Variants in MYOM2 observed in about 807,000 individuals in gnomAD.
MYOM2 encodes the protein myomesin 2.
A neutral mutation model predicts 187.6 loss-of-function variants in MYOM2; 254 were observed. The ratio of observed to expected loss-of-function variants is 1.35; its 90% CI spans 1.22 to 1.50. MYOM2 has a LOEUF of 1.50. Among genes scored for constraint, MYOM2 ranks in the 40% most tolerant of loss-of-function variants. MYOM2 has a pLI of 0.00. For missense variants in MYOM2, 2,796 were observed against 1,924.0 expected, an observed-to-expected ratio of 1.45 and a Z score of -8.48; for synonymous variants, 981 against 753.8, an observed-to-expected ratio of 1.30 and a Z score of -4.94.
intron 18 of MYOM2, 130 bp from the exon 19 acceptor site, chr8:2,098,727 G>C: frequency 9.9e-7 from 1 of 1,005,500 alleles, no homozygotes; most frequent in Admixed American, 2.9e-5. Context: ...TGAAATATTT[G>C]GTCCAATTTC....
intron 6 of MYOM2, among the ~76,000 whole-genome samples, chr8:2,063,563 A>G (rs1184249384): frequency 6.6e-6 from 1 of 152,252 alleles, no homozygotes; most frequent in African/African-American, 2.4e-5. Flanking sequence ...TTCTATCAGT[A>G]ACGTGCTCAC....
At chr8:2,071,953 A>G (rs1819237858) in intron 8 of MYOM2, among the ~76,000 whole-genome samples, 1 of 152,036 alleles carries the variant, frequency 6.6e-6, no homozygotes, top group Admixed American at 6.5e-5. Context: ...ATCACCTCCC[A>G]AAGGCCCCAC....
At chr8:2,079,357 A>G (rs943226329) in intron 12 of MYOM2, among the ~76,000 whole-genome samples, 6 of 152,132 alleles carry the variant, frequency 3.9e-5, no homozygotes, top group East Asian at 1.9e-4. Flanking sequence ...CCTTACGCAC[A>G]TGGTCCTTTG....
rs1482893449 is a variant in MYOM2, at chr8:2,052,261, T to C, written c.211T>C (p.Cys71Arg). Residue 71 changes from cysteine (C) to arginine (R), a missense_variant, in exon 3 of 37, where the codon TGT becomes CGT. Transcript: ENST00000262113. The part of the protein sequence containing the change: ...TSLGGTICRV[C>R]AKRVSTQEDE... Reference sequence around the variant, plus strand: ...CCTGGGAGGAACCATCTGCAGGGTCTGTGCGAAGCGAGTGAGCACGCAGGA... The same window carrying C: ...CCTGGGAGGAACCATCTGCAGGGTCCGTGCGAAGCGAGTGAGCACGCAGGA... The C allele has an allele frequency of 6.2e-7, 1 of 1,612,318 alleles. No individual in the cohort carries two copies. Among genetic ancestry groups the C allele is most frequent in the East Asian group, 2.2e-5 (1 of 44,822 alleles).
At chr8:2,124,325 T>A (rs930008673) in intron 31 of MYOM2, 108 bp downstream of exon 31, 5 of 1,144,012 alleles carry the variant, frequency 4.4e-6, no homozygotes, top group Middle Eastern at 1.9e-4. Flanking sequence ...CTGTGGTGCG[T>A]GTTCTGTGGG....
intron 28 of MYOM2, among the ~76,000 whole-genome samples, chr8:2,122,036 G>A (rs1480039153): frequency 6.6e-6 from 1 of 152,176 alleles, no homozygotes; most frequent in East Asian, 1.9e-4. Flanking sequence ...TCAGAAAACA[G>A]TAATTGAAGG....
At chr8:2,137,355 C>T (rs1798116001) in intron 32 of MYOM2, among the ~76,000 whole-genome samples, 1 of 151,848 alleles carries the variant, frequency 6.6e-6, no homozygotes, top group African/African-American at 2.4e-5. Context: ...ATGCAAGACA[C>T]CAGGCATGAC....
rs749395536 is a variant in MYOM2 at position 2,098,966 on chromosome 8, G to C, written c.2423G>C (p.Trp808Ser). ...DPSEHFKCEA[W>S]TMPEPGPAYD... Reference sequence around the variant, plus strand: ...AGTGAGCACTTCAAGTGTGAGGCCTGGACCATGCCGGAGCCCGGTGAGTCG... The same window carrying C: ...AGTGAGCACTTCAAGTGTGAGGCCTCGACCATGCCGGAGCCCGGTGAGTCG... Residue 808 changes from tryptophan (W) to serine (S), a missense_variant, in exon 19 of 37, where the codon TGG (tryptophan) becomes TCG (serine). Coordinates refer to ENST00000262113, the MANE Select transcript of MYOM2 (RefSeq NM_003970.4). 1 of 1,609,890 alleles carries C rather than the reference G, an allele frequency of 6.2e-7. No individual in the cohort carries two copies. Among genetic ancestry groups the C allele is most frequent in the African/African-American group, 1.3e-5 (1 of 74,998 alleles).
chr8:2,103,300 TAAATG>T (rs1796777074), intron 21 of MYOM2, among the ~76,000 whole-genome samples: 2 of 151,682 alleles, frequency 1.3e-5, no homozygotes, highest in African/African-American at 4.9e-5. Flanking sequence ...TATGTATGGG[TAAATG>T]GATAAATGAG....
intron 6 of MYOM2, among the ~76,000 whole-genome samples, chr8:2,060,308 T>G (rs1172095571): frequency 2.6e-5 from 4 of 152,246 alleles, no homozygotes; most frequent in South Asian, 2.1e-4. Flanking sequence ...CATTAACGCC[T>G]CCTGAAAACA....
rs749099421 is a variant in MYOM2, at chr8:2,073,507, G to A, written c.1120+7G>A. ...GCCTTCCTGTTTGTCAGAGGTGCGG[G>A]CAGCAGGGTTCTCAGGGTGCAGACC... On this transcript the variant is annotated splice_region_variant and intron_variant, in intron 10 of 36. Coordinates refer to ENST00000262113, the MANE Select transcript of MYOM2 (RefSeq NM_003970.4). 3 of 1,593,698 alleles carry A rather than the reference G, an allele frequency of 1.9e-6. No individual in the cohort carries two copies. Among genetic ancestry groups the A allele is most frequent in the Non-Finnish European group, 2.6e-6 (3 of 1,176,066 alleles).
intron 10 of MYOM2, among the ~76,000 whole-genome samples, chr8:2,074,595 C>G (rs1230910107): frequency 2.0e-5 from 3 of 152,164 alleles, no homozygotes; most frequent in Non-Finnish European, 4.4e-5. Context: ...GCTGGGACTA[C>G]AGGCATGTAC....
intron 6 of MYOM2, among the ~76,000 whole-genome samples, chr8:2,066,315 T>A (rs1344750457): frequency 6.6e-6 from 1 of 152,208 alleles, no homozygotes; most frequent in Non-Finnish European, 1.5e-5. Flanking sequence ...AGGCTCCAGG[T>A]CAGCAGATTC....
chr8:2,101,109 G>A, intron 20 of MYOM2, 55 bp downstream of exon 20: 1 of 1,568,778 alleles, frequency 6.4e-7, no homozygotes, highest in Non-Finnish European at 8.7e-7. Flanking sequence ...ACTTTGGGAG[G>A]TAAAGGCGGG....
At chr8:2,065,847 G>A (rs1017927333) in intron 6 of MYOM2, among the ~76,000 whole-genome samples, 2 of 152,076 alleles carry the variant, frequency 1.3e-5, no homozygotes, top group African/African-American at 4.8e-5. Flanking sequence ...TGCCTGACAG[G>A]TGTGTGATGA....
At chr8:2,128,729 G>C (rs1372541111) in intron 31 of MYOM2, among the ~76,000 whole-genome samples, 1 of 152,158 alleles carries the variant, frequency 6.6e-6, no homozygotes, top group Admixed American at 6.5e-5. Context: ...ACCTGAAAGA[G>C]TCCTGCTAAA....
At chr8:2,141,050 C>A in intron 33 of MYOM2, 91 bp from the exon 34 acceptor site, 1 of 1,384,410 alleles carries the variant, frequency 7.2e-7, no homozygotes, top group Non-Finnish European at 9.9e-7. Context: ...TATCAGTTTT[C>A]ATGAACCAGA....
chr8:2,130,350 G>A (rs953010129), intron 32 of MYOM2, among the ~76,000 whole-genome samples: 4 of 117,316 alleles, frequency 3.4e-5, no homozygotes, highest in African/African-American at 4.5e-5. Flanking sequence ...CCCACACCCC[G>A]CCTTTAGTTA....
chr8:2,076,365 ATG>A, intron 11 of MYOM2, 83 bp downstream of exon 11: 1 of 1,506,734 alleles, frequency 6.6e-7, no homozygotes, highest in Non-Finnish European at 8.9e-7. Context: ...ATTTTTCTCA[ATG>A]CAGGTTGACG....
Sources: allele counts gnomAD v4.1 joint callset (sites outside exome capture counted in the v4.1 genomes callset), GRCh38; gene constraint gnomAD v4.1.1; transcripts MANE v1.5; gene names NCBI Gene and HGNC (gene_info 2026-07-23, HGNC 2026-07-21).